Variants in LCOR observed in about 807,000 individuals in gnomAD.
LCOR encodes ligand-dependent corepressor.
Under a neutral mutation model 64.4 loss-of-function variants are expected in LCOR, and 14 were observed. The observed-to-expected ratio is 0.22, with a 90% CI of 0.14 to 0.34. The LOEUF is 0.34. Among genes scored for constraint, LCOR ranks in the 10% least tolerant of loss-of-function variants. The pLI, the probability that LCOR is intolerant of heterozygous loss-of-function variation, is 1.00. For missense variants in LCOR, 1,686 were observed against 1,765.3 expected, an observed-to-expected ratio of 0.96 and a Z score of 0.80; for synonymous variants, 643 against 642.5, an observed-to-expected ratio of 1.00 and a Z score of -0.01.
chr10:96,884,437 C>A (rs1268706408), intron 2 of LCOR, among the ~76,000 whole-genome samples: 1 of 152,224 alleles, frequency 6.6e-6, no homozygotes, highest in Non-Finnish European at 1.5e-5. Flanking sequence ...TCCAGCAAGA[C>A]TGTCATCCTT....
At chr10:96,912,607 T>TCTTCCTTCTTTC (rs1554836480) in intron 4 of LCOR, among the ~76,000 whole-genome samples, 27 of 140,392 alleles carry the variant, frequency 1.9e-4, no homozygotes, top group African/African-American at 6.4e-4. Flanking sequence ...TTTCTTCCTT[T>TCTTCCTTCTTTC]CTTCCTTCCT....
At chr10:96,952,045 T>A in intron 6 of LCOR, 58 bp from the exon 7 acceptor site, 2 of 1,220,686 alleles carry the variant, frequency 1.6e-6, no homozygotes, top group South Asian at 2.5e-5. Flanking sequence ...TTAGCCTATT[T>A]AGTTTACATT....
At chr10:96,912,351 G>A (rs573389077) in intron 4 of LCOR, among the ~76,000 whole-genome samples, 3 of 152,310 alleles carry the variant, frequency 2.0e-5, no homozygotes, top group Admixed American at 1.3e-4. Context: ...ATGTTAGCAT[G>A]TTATGTAACC....
chr10:96,956,163 T>G, intron 7 of LCOR: 1 of 1,302,292 alleles, frequency 7.7e-7, no homozygotes, highest in Non-Finnish European at 9.8e-7. Flanking sequence ...AAAAGAGAAT[T>G]GAGTTACCTC....
chr10:96,841,093 A>G (rs185569684), intron 2 of LCOR, among the ~76,000 whole-genome samples: 7 of 152,326 alleles, frequency 4.6e-5, no homozygotes, highest in Admixed American at 2.0e-4. Flanking sequence ...GCAGTGAGTC[A>G]TGATTGCATC....
chr10:96,969,609 T>C (rs976654288), intron 7 of LCOR, among the ~76,000 whole-genome samples: 1 of 152,174 alleles, frequency 6.6e-6, no homozygotes, highest in African/African-American at 2.4e-5. Context: ...GGAATGTGTA[T>C]GTTTAATCAT....
rs1848140379 is a variant in LCOR at position 96,985,351 on chromosome 10, T to G, written c.*217T>G. 1 of 502,458 alleles carries G rather than the reference T, an allele frequency of 2.0e-6. No homozygotes were observed. The highest frequency in any genetic ancestry group is 7.9e-5 in the South Asian group (1 of 12,606). The allele number at this position is 502,458 out of a possible 1,614,324, so 31.1% of individuals were successfully genotyped here. Reference sequence around the variant, plus strand: ...GGGAAGTTATATATTATATTCTGGTTGTTCCTTGGGTTTTAAACTTGGAAC... The same window carrying G: ...GGGAAGTTATATATTATATTCTGGTGGTTCCTTGGGTTTTAAACTTGGAAC... On this transcript the variant is annotated 3_prime_UTR_variant, in exon 8 of 8. Transcript: ENST00000421806.
intron 7 of LCOR, among the ~76,000 whole-genome samples, chr10:96,973,505 T>G (rs1848015245): frequency 6.6e-6 from 1 of 152,212 alleles, no homozygotes; most frequent in African/African-American, 2.4e-5. Flanking sequence ...CTGACTATAC[T>G]TATACTTTCT....
At chr10:96,979,492 G>T (rs191803856) in intron 7 of LCOR, among the ~76,000 whole-genome samples, 2 of 152,156 alleles carry the variant, frequency 1.3e-5, no homozygotes, top group African/African-American at 2.4e-5. Context: ...CACTGTCTGC[G>T]CTAAGCTCTA....
At chr10:96,971,159 T>G (rs1450112392) in intron 7 of LCOR, among the ~76,000 whole-genome samples, 2 of 152,234 alleles carry the variant, frequency 1.3e-5, no homozygotes, top group Non-Finnish European at 2.9e-5. Context: ...AGAGCACACT[T>G]GGACTGCCTG....
intron 2 of LCOR, among the ~76,000 whole-genome samples, chr10:96,849,138 A>C (rs565705953): frequency 7.7e-6 from 1 of 129,880 alleles, no homozygotes; most frequent in African/African-American, 3.0e-5. Context: ...CAGTGGCACA[A>C]TCTCAGCTTA....
chr10:96,994,494 C>G lies in LCOR; in HGVS notation c.*9360C>G, dbSNP rs1848227211. 6.6e-6 allele frequency: 1 copy of G among 152,174 alleles called. No individual in the cohort carries two copies. The highest frequency in any genetic ancestry group is 2.4e-5 in the African/African-American group (1 of 41,430). 9.4% of individuals were successfully genotyped at this position (152,174 alleles called of 1,614,324 possible). A position where few individuals can be genotyped will look rare whatever the true frequency, so the allele number is the denominator to read the frequency against. ...AATAGAAGTAATGTAGTTTTTTAGG[C>G]TTTTGGAATATGTCTTCTCTTTTGT... On this transcript the variant is annotated 3_prime_UTR_variant, in exon 8 of 8. Coordinates refer to ENST00000421806, the MANE Select transcript of LCOR (RefSeq NM_001346516.2).
At position 96,833,467 on chromosome 10, in the gene LCOR, C is replaced by T. The variant is rs912477558; in HGVS notation, c.-342C>T. 5.1e-6 allele frequency: 5 copies of T among 985,802 alleles called. No homozygotes were observed. Among genetic ancestry groups the T allele is most frequent in the Non-Finnish European group, 6.0e-6 (5 of 829,980 alleles). The allele number at this position is 985,802 out of a possible 1,614,324, so 61.1% of individuals were successfully genotyped here. A position where few individuals can be genotyped will look rare whatever the true frequency, so the allele number is the denominator to read the frequency against. On this transcript the variant is annotated 5_prime_UTR_variant, in exon 2 of 8. Transcript: ENST00000421806. ...TAAGGGCTTAACTCATATATTTAAC[C>T]CCCCTCCAAAAAGTAAGTGGCCCGT...
chr10:96,870,485 C>T (rs1846054668), intron 2 of LCOR, among the ~76,000 whole-genome samples: 1 of 152,216 alleles, frequency 6.6e-6, no homozygotes, highest in Non-Finnish European at 1.5e-5. Context: ...ATAGATTTCT[C>T]ATGTGTTGTC....
intron 5 of LCOR, among the ~76,000 whole-genome samples, chr10:96,948,227 T>A (rs1847620801): frequency 6.6e-6 from 1 of 152,014 alleles, no homozygotes; most frequent in Admixed American, 6.6e-5. Context: ...ATTATTTTAT[T>A]TTTTTTTACT....
rs770300777 is a variant in LCOR at position 96,985,056 on chromosome 10, T to A, written c.4596T>A (p.Ser1532Arg). The change falls in exon 8 of 8, where the codon AGT becomes AGA. Residue 1532 changes from serine to arginine, a missense_variant. By Grantham distance (110) the Ser-to-Arg change is moderately radical. This residue lies in a region of LCOR where 1,293 missense variants were observed against 1,410.4 expected (regional missense o/e 0.92). Coordinates refer to ENST00000421806, the MANE Select transcript of LCOR (RefSeq NM_001346516.2). ...ARPSTKTPESSAAQRKRKLKA... is the reference protein window; with the variant it reads ...ARPSTKTPESRAAQRKRKLKA... ...CCTCAACGAAAACCCCAGAGAGCAG[T>A]GCAGCTCAGAGAAAGCGAAAGCTGA... is the stretch of plus-strand genomic sequence containing the variant. 1.2e-6 allele frequency: 2 copies of A among 1,614,050 alleles called. No homozygotes were observed. Among genetic ancestry groups the A allele is most frequent in the South Asian group, 2.2e-5 (2 of 91,070 alleles).
intron 2 of LCOR, among the ~76,000 whole-genome samples, chr10:96,842,161 C>T (rs770618465): frequency 3.3e-5 from 5 of 151,980 alleles, no homozygotes; most frequent in South Asian, 2.1e-4. Context: ...TTTGGGAGGC[C>T]GAGGCGGGTG....
intron 4 of LCOR, among the ~76,000 whole-genome samples, chr10:96,933,379 A>G (rs1475187412): frequency 6.6e-6 from 1 of 152,272 alleles, no homozygotes; most frequent in African/African-American, 2.4e-5. Flanking sequence ...AAATGAAACT[A>G]TAGATGATTG....
intron 4 of LCOR, among the ~76,000 whole-genome samples, chr10:96,917,902 G>A (rs541159440): frequency 6.6e-6 from 1 of 152,196 alleles, no homozygotes; most frequent in South Asian, 2.1e-4. Flanking sequence ...AAGAGAGAAG[G>A]GAAAGTTTTG....
Sources: gnomAD v4.1 joint callset for allele counts (sites outside exome capture counted in the v4.1 genomes callset) on GRCh38, gnomAD v4.1.1 for gene constraint, gnomAD v4.1.1 regional missense constraint, MANE v1.5 for transcripts, NCBI Gene and HGNC (gene_info 2026-07-23, HGNC 2026-07-21) for gene names.